The following ADAMTS17 variants were observed in gnomAD, a reference collection of about 807,000 sequenced individuals.
ADAMTS17 encodes the protein ADAM metallopeptidase with thrombospondin type 1 motif 17.
ADAMTS17 carries 113 observed loss-of-function variants against 141.5 expected under a neutral mutation model. The ratio of observed to expected loss-of-function variants is 0.80; its 90% CI spans 0.69 to 0.93. The LOEUF (loss-of-function observed/expected upper bound fraction) is 0.93, where lower values mean the gene tolerates loss of function less well. ADAMTS17 is among the 40% of genes least tolerant of loss of function. The pLI is 0.00. For missense variants in ADAMTS17, 1,659 were observed against 1,517.9 expected (o/e 1.09, Z -1.54); for synonymous variants, 768 against 630.6 (o/e 1.22, Z -3.27).
chr15:100,290,113 C>G (rs2044579558), intron 3 of ADAMTS17, among the ~76,000 whole-genome samples: 1 of 152,068 alleles, frequency 6.6e-6, no homozygotes, highest in Admixed American at 6.5e-5. Flanking sequence ...AACTAGAAAT[C>G]CCATAATCTC....
chr15:100,340,323 C>T (rs550272500), intron 2 of ADAMTS17, among the ~76,000 whole-genome samples: 6 of 152,296 alleles, frequency 3.9e-5, no homozygotes, highest in Admixed American at 3.3e-4. Flanking sequence ...CCAGGAACTT[C>T]GGGGCAGGGA....
At position 100,195,465 on chromosome 15, in the gene ADAMTS17, A is replaced by G. The variant is rs112590525; in HGVS notation, c.1181+3853T>C. The stretch of plus-strand genomic sequence containing the variant: ...TTTAAAATCTCAGATTCATTTATGT[A>G]TTAATATGTAAATGGAGCCTGTTCC... On this transcript the variant is annotated intron_variant, in intron 8 of 21. Transcript: ENST00000268070. 3.6e-3 allele frequency among the ~76,000 whole-genome samples: 554 copies of G among 152,320 alleles called. 4 individuals carry two copies. The highest frequency in any genetic ancestry group is 0.013 in the African/African-American group (543 of 41,558).
At chr15:100,065,261 G>A (rs1005401823) in intron 15 of ADAMTS17, among the ~76,000 whole-genome samples, 7 of 152,116 alleles carry the variant, frequency 4.6e-5, no homozygotes, top group Admixed American at 1.3e-4. Flanking sequence ...TATGTGAAAA[G>A]AATATTATAT....
At chr15:100,338,233 A>T (rs756215165) in intron 2 of ADAMTS17, among the ~76,000 whole-genome samples, 27 of 152,204 alleles carry the variant, frequency 1.8e-4, no homozygotes, top group Non-Finnish European at 3.5e-4. Context: ...AAAATGGAAC[A>T]GGTGCTTTAC....
chr15:99,988,718 A>C (rs2060638106), intron 20 of ADAMTS17, among the ~76,000 whole-genome samples: 1 of 152,140 alleles, frequency 6.6e-6, no homozygotes, highest in African/African-American at 2.4e-5. Context: ...ACGGCCAGGC[A>C]AAAGGCTCCA....
At chr15:100,221,852 C>T (rs1468602787) in intron 7 of ADAMTS17, among the ~76,000 whole-genome samples, 1 of 152,196 alleles carries the variant, frequency 6.6e-6, no homozygotes, top group African/African-American at 2.4e-5. Flanking sequence ...TTGACTTCTG[C>T]CTGTGCTCGG....
intron 4 of ADAMTS17, among the ~76,000 whole-genome samples, chr15:100,275,171 C>T (rs2044038345): frequency 6.6e-6 from 1 of 152,194 alleles, no homozygotes; most frequent in Non-Finnish European, 1.5e-5. Context: ...CCACAAGGCA[C>T]GTAAGCAGAG....
chr15:100,269,830 G>C (rs2043843004), intron 4 of ADAMTS17, among the ~76,000 whole-genome samples: 1 of 152,132 alleles, frequency 6.6e-6, no homozygotes, highest in Non-Finnish European at 1.5e-5. Context: ...CTCTGAGCTT[G>C]GAGACTCGGT....
chr15:100,022,435 A>C (rs1488123501), intron 18 of ADAMTS17, among the ~76,000 whole-genome samples: 1 of 152,218 alleles, frequency 6.6e-6, no homozygotes, highest in African/African-American at 2.4e-5. Context: ...GTTTCCTATA[A>C]AAAGTGACAG....
chr15:100,207,422 C>A (rs192232281), intron 7 of ADAMTS17, among the ~76,000 whole-genome samples: 1 of 152,176 alleles, frequency 6.6e-6, no homozygotes, highest in Non-Finnish European at 1.5e-5. Flanking sequence ...CAAGCTAATA[C>A]ACCCAGAGTG....
chr15:100,278,546 T>G (rs974486707), intron 4 of ADAMTS17, among the ~76,000 whole-genome samples: 2 of 151,986 alleles, frequency 1.3e-5, no homozygotes, highest in Non-Finnish European at 2.9e-5. Flanking sequence ...AGGAAACATG[T>G]GGGTCCAGCG....
chr15:100,088,500 T>C (rs2035248247), intron 15 of ADAMTS17, among the ~76,000 whole-genome samples: 2 of 152,132 alleles, frequency 1.3e-5, no homozygotes. Context: ...TTAAAGTTCA[T>C]ATGGAACCAA....
At chr15:100,183,890 G>A (rs371997203) in intron 8 of ADAMTS17, among the ~76,000 whole-genome samples, 3 of 152,194 alleles carry the variant, frequency 2.0e-5, no homozygotes, top group Non-Finnish European at 2.9e-5. Context: ...TATCGTTGAG[G>A]CTCCTCTTCA....
chr15:99,979,951 C>A (rs1026715803), intron 20 of ADAMTS17: 1 of 152,088 alleles, frequency 6.6e-6, no homozygotes, highest in South Asian at 2.1e-4. Context: ...CAAAAGAAAC[C>A]CTGCTTCCTG....
chr15:100,328,838 A>G (rs1402087535), intron 3 of ADAMTS17, among the ~76,000 whole-genome samples: 3 of 152,300 alleles, frequency 2.0e-5, no homozygotes, highest in Non-Finnish European at 2.9e-5. Context: ...ACCATGGACT[A>G]GAGTCTGATG....
chr15:100,073,927 A>C (rs193026151), intron 15 of ADAMTS17, among the ~76,000 whole-genome samples: 27 of 152,186 alleles, frequency 1.8e-4, no homozygotes, highest in African/African-American at 6.5e-4. Context: ...AAAAAAGGCA[A>C]CTGATTTCTA....
chr15:100,049,034 C>G, intron 17 of ADAMTS17, 42 bp from the exon 18 acceptor site: 1 of 1,613,948 alleles, frequency 6.2e-7, no homozygotes, highest in Non-Finnish European at 8.5e-7. Flanking sequence ...TGTGGCTGCA[C>G]CCACGTGGAA....
chr15:99,976,430 G>GCCT lies in ADAMTS17; in HGVS notation c.2950-211_2950-209dup, dbSNP rs549001024. 1.4e-4 allele frequency: 98 copies of GCCT among 686,040 alleles called. 1 individual carries two copies. The highest frequency in any genetic ancestry group is 1.4e-3 in the South Asian group (79 of 58,144). The allele number at this position is 686,040 out of a possible 1,614,324, so 42.5% of individuals were successfully genotyped here. ...ACGAGGTCAGGGGGCTGGGACGATG[G>GCCT]CCTCACAATGTGGCTGCCCCTGGGC... On this transcript the variant is annotated intron_variant, in intron 20 of 21. Coordinates refer to ENST00000268070, the MANE Select transcript of ADAMTS17 (RefSeq NM_139057.4).
intron 3 of ADAMTS17, 60 bp from the exon 4 acceptor site, chr15:100,281,461 G>A: frequency 6.4e-7 from 1 of 1,566,652 alleles, no homozygotes; most frequent in South Asian, 1.2e-5. Flanking sequence ...AAACCATGCA[G>A]TGAACAGGCC....
Sources: allele counts gnomAD v4.1 joint callset (sites outside exome capture counted in the v4.1 genomes callset), GRCh38; gene constraint gnomAD v4.1.1; transcripts MANE v1.5; gene names NCBI Gene and HGNC (gene_info 2026-07-23, HGNC 2026-07-21).